The following CALN1 variants were observed in gnomAD, a reference collection of about 807,000 sequenced individuals.
CALN1 encodes calneuron 1, also known as calcium-binding protein 8.
A neutral mutation model predicts 30.6 loss-of-function variants in CALN1; 17 were observed. The ratio of observed to expected loss-of-function variants is 0.56; its 90% confidence interval spans 0.38 to 0.83. The LOEUF (loss-of-function observed/expected upper bound fraction) is 0.83. Among genes scored for constraint, CALN1 ranks in the 40% least tolerant of loss-of-function variants. The pLI is 0.00. For missense variants in CALN1, 291 were observed against 354.9 expected, an observed-to-expected ratio of 0.82 and a Z score of 1.45; for synonymous variants, 156 against 131.4, an observed-to-expected ratio of 1.19 and a Z score of -1.28.
chr7:72,329,235 C>T (rs1415237825), intron 2 of CALN1, among the ~76,000 whole-genome samples: 1 of 152,184 alleles, frequency 6.6e-6, no homozygotes, highest in Non-Finnish European at 1.5e-5. Context: ...ATTAAGGTCA[C>T]CAAAGCATTT....
chr7:72,309,438 C>T (rs7782735), intron 2 of CALN1, among the ~76,000 whole-genome samples: 2 of 152,062 alleles, frequency 1.3e-5, no homozygotes, highest in African/African-American at 2.4e-5. Context: ...GCACATGTCC[C>T]GTGCAAGGTC....
chr7:72,175,862 T>C (rs891810881), intron 3 of CALN1, among the ~76,000 whole-genome samples: 7 of 152,078 alleles, frequency 4.6e-5, no homozygotes, highest in African/African-American at 1.4e-4. Flanking sequence ...GTCTCTTAGG[T>C]AACCACCAAA....
chr7:71,884,146 C>A (rs1184387426), intron 5 of CALN1, among the ~76,000 whole-genome samples: 1 of 152,122 alleles, frequency 6.6e-6, no homozygotes, highest in African/African-American at 2.4e-5. Flanking sequence ...ATCTCCTGAC[C>A]TCATGATCTG....
intron 6 of CALN1, among the ~76,000 whole-genome samples, chr7:71,801,356 G>A (rs1787287215): frequency 6.6e-6 from 1 of 151,716 alleles, no homozygotes; most frequent in Non-Finnish European, 1.5e-5. Context: ...GGGACTACAG[G>A]TGCCTGCCAC....
At chr7:72,235,467 T>C (rs11768892) in intron 3 of CALN1, among the ~76,000 whole-genome samples, 81,466 of 151,794 alleles carry the variant, frequency 0.54, 22,070 homozygotes, top group South Asian at 0.65. Flanking sequence ...AATAGCTCCA[T>C]AGTGTAAAAA....
intron 5 of CALN1, among the ~76,000 whole-genome samples, chr7:71,857,081 C>T (rs1038279033): frequency 6.8e-6 from 1 of 148,038 alleles, no homozygotes; most frequent in Non-Finnish European, 1.5e-5. Flanking sequence ...TTTGTCCAGG[C>T]CTAAGTGTAG....
chr7:72,328,107 TTC>T lies in CALN1; in HGVS notation c.120-49299_120-49298del, dbSNP rs1317098602. ...GTAACATTTCTGTATAGCTTTTAAT[TTC>T]TTTTTTTAAAAAAAAAATGTTTACT... On this transcript the variant is annotated intron_variant, in intron 2 of 6. Transcript: ENST00000395275. Among the ~76,000 whole-genome samples, 25 of 142,068 alleles carry T rather than the reference TTC, an allele frequency of 1.8e-4. No homozygotes were observed. The East Asian group carries it at 5.6e-3, about 32-fold the overall frequency. 93.2% of individuals were successfully genotyped at this position (142,068 alleles called of 152,430 possible). A position where few individuals can be genotyped will look rare whatever the true frequency, so the allele number is the denominator to read the frequency against.
Position 72,124,236 on chromosome 7 carries a change from A to T in CALN1, c.245-17942T>A, listed in dbSNP as rs554443796. Among the ~76,000 whole-genome samples the T allele has an allele frequency of 2.6e-5, 4 of 152,290 alleles. No homozygotes were observed. In the East Asian group the frequency reaches 7.7e-4, roughly 29 times the overall value. ...TGTGGTAAAGGTAACACTGCAATCTATTGGAGAAAACAGGAAGTACTCAAT... is the reference window on the plus strand; with the variant it reads ...TGTGGTAAAGGTAACACTGCAATCTTTTGGAGAAAACAGGAAGTACTCAAT... On this transcript the variant is annotated intron_variant, in intron 3 of 6. Coordinates refer to ENST00000395275, the MANE Select transcript of CALN1 (RefSeq NM_031468.4).
At chr7:72,052,046 A>C (rs1283890826) in intron 4 of CALN1, among the ~76,000 whole-genome samples, 1 of 152,188 alleles carries the variant, frequency 6.6e-6, no homozygotes, top group Non-Finnish European at 1.5e-5. Context: ...CTTGAGATAC[A>C]AGTGAGAAAG....
chr7:72,037,224 C>G (rs919462639), intron 4 of CALN1, among the ~76,000 whole-genome samples: 2 of 152,140 alleles, frequency 1.3e-5, no homozygotes, highest in Admixed American at 6.5e-5. Flanking sequence ...AATCTCGGCT[C>G]ACTGCAAGCC....
chr7:72,052,302 C>T (rs900458275), intron 4 of CALN1, among the ~76,000 whole-genome samples: 3 of 152,154 alleles, frequency 2.0e-5, no homozygotes, highest in Non-Finnish European at 4.4e-5. Flanking sequence ...TCTGCCGTCC[C>T]GACAAGTCGC....
chr7:71,850,622 G>A (rs1205040749), intron 5 of CALN1, among the ~76,000 whole-genome samples: 1 of 152,168 alleles, frequency 6.6e-6, no homozygotes, highest in East Asian at 1.9e-4. Context: ...TTTTGTAGGG[G>A]GGAGGTTATA....
intron 5 of CALN1, among the ~76,000 whole-genome samples, chr7:71,867,769 G>A (rs1412234411): frequency 6.6e-6 from 1 of 152,122 alleles, no homozygotes; most frequent in Non-Finnish European, 1.5e-5. Flanking sequence ...TTGTTCATTT[G>A]TTTGGTTTTC....
At chr7:72,323,467 C>T (rs887336390) in intron 2 of CALN1, among the ~76,000 whole-genome samples, 13 of 152,108 alleles carry the variant, frequency 8.5e-5, no homozygotes, top group African/African-American at 3.1e-4. Flanking sequence ...TGAGACCAGC[C>T]TGGCCAACAT....
chr7:72,137,334 T>C (rs1332958894), intron 3 of CALN1, among the ~76,000 whole-genome samples: 5 of 152,148 alleles, frequency 3.3e-5, no homozygotes, highest in Non-Finnish European at 7.3e-5. Flanking sequence ...AACGGTGGTG[T>C]TTTGTTCAAG....
At chr7:72,280,641 G>C (rs1016381120) in intron 2 of CALN1, among the ~76,000 whole-genome samples, 1 of 152,082 alleles carries the variant, frequency 6.6e-6, no homozygotes, top group Non-Finnish European at 1.5e-5. Context: ...TGATTTCTTG[G>C]GACTGTGTGT....
chr7:72,284,330 C>A (rs1349147701), intron 2 of CALN1, among the ~76,000 whole-genome samples: 1 of 152,172 alleles, frequency 6.6e-6, no homozygotes, highest in Non-Finnish European at 1.5e-5. Context: ...TAAAGAGCCT[C>A]ATTCACATTA....
At chr7:72,057,241 C>CT (rs1182138090) in intron 4 of CALN1, among the ~76,000 whole-genome samples, 1 of 152,174 alleles carries the variant, frequency 6.6e-6, no homozygotes, top group East Asian at 1.9e-4. Flanking sequence ...GCCATGAAGC[C>CT]TGGCCAGATT....
intron 3 of CALN1, among the ~76,000 whole-genome samples, chr7:72,143,404 G>C (rs1810101103): frequency 6.6e-6 from 1 of 152,162 alleles, no homozygotes; most frequent in Non-Finnish European, 1.5e-5. Flanking sequence ...ATGAAATGAA[G>C]CTAGAAGAGA....
Sources: gnomAD v4.1 joint callset for allele counts (sites outside exome capture counted in the v4.1 genomes callset) on GRCh38, gnomAD v4.1.1 for gene constraint, MANE v1.5 for transcripts, NCBI Gene and HGNC (gene_info 2026-07-23, HGNC 2026-07-21) for gene names.